The following SUPT3H variants were observed in gnomAD, a reference collection of about 807,000 sequenced individuals.
SUPT3H encodes the protein SPT3 homolog, SAGA and STAGA complex component, also known as transcription initiation protein SPT3 homolog.
A neutral mutation model predicts 44.3 loss-of-function variants in SUPT3H; 44 were observed. The ratio of observed to expected loss-of-function variants is 0.99; its 90% confidence interval spans 0.78 to 1.28. The LOEUF (loss-of-function observed/expected upper bound fraction) is 1.28, where lower values mean the gene tolerates loss of function less well. SUPT3H is among the 50% of genes most tolerant of loss of function. SUPT3H has a pLI of 0.00. For missense variants in SUPT3H, 380 were observed against 387.1 expected, an observed-to-expected ratio of 0.98 and a Z score of 0.15; for synonymous variants, 124 against 125.6, an observed-to-expected ratio of 0.99 and a Z score of 0.09.
At chr6:45,176,088 G>C (rs1420302206) in intron 2 of SUPT3H, among the ~76,000 whole-genome samples, 3 of 152,124 alleles carry the variant, frequency 2.0e-5, no homozygotes, top group Admixed American at 6.5e-5. Context: ...TGGCCGAATA[G>C]GAACAGCTCT....
chr6:45,123,712 G>A (rs1802006642), intron 2 of SUPT3H, among the ~76,000 whole-genome samples: 1 of 152,120 alleles, frequency 6.6e-6, no homozygotes, highest in African/African-American at 2.4e-5. Context: ...GAAAAGGTCA[G>A]ACAGTAAATA....
At chr6:44,919,344 T>G (rs1011107350) in intron 10 of SUPT3H, among the ~76,000 whole-genome samples, 1 of 152,204 alleles carries the variant, frequency 6.6e-6, no homozygotes, top group African/African-American at 2.4e-5. Flanking sequence ...TAAGAATGCA[T>G]GACCAAATTC....
chr6:45,085,980 T>A lies in SUPT3H; in HGVS notation c.186+19942A>T, dbSNP rs192641406. Among the ~76,000 whole-genome samples, 13 of 152,260 alleles carry A rather than the reference T, an allele frequency of 8.5e-5. No homozygotes were observed. In the East Asian group the frequency reaches 1.9e-3, roughly 23 times the overall value. ...ATCCTCCTATATTTAAAATGTTTGA[T>A]CTTTAGGTATGAGAAACATACTTCT... On this transcript the variant is annotated intron_variant, in intron 3 of 10. Transcript: ENST00000371459.
At chr6:45,376,769 T>C (rs1796834545) in intron 1 of SUPT3H, among the ~76,000 whole-genome samples, 3 of 152,206 alleles carry the variant, frequency 2.0e-5, no homozygotes, top group South Asian at 2.1e-4. Context: ...TTCAAGTAAA[T>C]CTTTGCAGGG....
At chr6:45,065,294 G>A (rs1279512053) in intron 3 of SUPT3H, among the ~76,000 whole-genome samples, 6 of 141,270 alleles carry the variant, frequency 4.2e-5, no homozygotes, top group Admixed American at 2.1e-4. Context: ...CAGAATCTCT[G>A]GGACGCATTC....
At chr6:45,298,521 CTT>C (rs1226029261) in intron 2 of SUPT3H, among the ~76,000 whole-genome samples, 8 of 144,214 alleles carry the variant, frequency 5.5e-5, no homozygotes, top group Admixed American at 2.1e-4. Context: ...AATGTTATCT[CTT>C]TTTTTTTTTT....
intron 2 of SUPT3H, among the ~76,000 whole-genome samples, chr6:45,194,631 T>C (rs1381686749): frequency 6.6e-6 from 1 of 152,118 alleles, no homozygotes; most frequent in Non-Finnish European, 1.5e-5. Context: ...CACACACATA[T>C]GTATACAATC....
At chr6:45,152,716 T>G (rs1266208221) in intron 2 of SUPT3H, among the ~76,000 whole-genome samples, 1 of 152,072 alleles carries the variant, frequency 6.6e-6, no homozygotes, top group Non-Finnish European at 1.5e-5. Context: ...GGTCTCAAAC[T>G]CCTGACCTCA....
At chr6:45,221,366 AT>A (rs1362510912) in intron 2 of SUPT3H, among the ~76,000 whole-genome samples, 1 of 152,086 alleles carries the variant, frequency 6.6e-6, no homozygotes, top group Non-Finnish European at 1.5e-5. Context: ...AACTTAAAGT[AT>A]AATATAAAAT....
At chr6:44,901,551 T>C (rs1471894018) in intron 10 of SUPT3H, among the ~76,000 whole-genome samples, 6 of 151,974 alleles carry the variant, frequency 3.9e-5, no homozygotes, top group African/African-American at 1.4e-4. Flanking sequence ...GTCTGATTGG[T>C]GTACCTGAAA....
At chr6:45,230,529 G>T (rs1767769050) in intron 2 of SUPT3H, among the ~76,000 whole-genome samples, 1 of 145,438 alleles carries the variant, frequency 6.9e-6, no homozygotes, top group Non-Finnish European at 1.5e-5. Context: ...ATCTACTTCT[G>T]CTCACTTTTG....
At chr6:45,224,389 C>T (rs1056750447) in intron 2 of SUPT3H, among the ~76,000 whole-genome samples, 3 of 152,084 alleles carry the variant, frequency 2.0e-5, no homozygotes, top group African/African-American at 7.2e-5. Flanking sequence ...TCTGTCACCA[C>T]CTACATACTG....
chr6:45,003,525 G>T, intron 6 of SUPT3H, 128 bp downstream of exon 6: 2 of 1,071,744 alleles, frequency 1.9e-6, no homozygotes, highest in Non-Finnish European at 2.6e-6. Context: ...GCACATCGCT[G>T]CCATCAGACA....
rs113019204 is a variant in SUPT3H at position 44,865,953 on chromosome 6, G to T, written c.913-36096C>A. On this transcript the variant is annotated intron_variant, in intron 10 of 10. Coordinates refer to ENST00000371459, the MANE Select transcript of SUPT3H (RefSeq NM_003599.4). ...CAGACAGGAAGCAGAAAGCCAAGTG[G>T]GAGAACTTGCAGTGAGGGAGGGGAG... Among the ~76,000 whole-genome samples, 1,375 of 152,254 alleles carry T rather than the reference G, an allele frequency of 9.0e-3. 14 individuals are homozygous for T. Among genetic ancestry groups the T allele is most frequent in the South Asian group, 0.028 (136 of 4,822 alleles).
At chr6:44,846,718 G>A (rs1044066967) in intron 10 of SUPT3H, among the ~76,000 whole-genome samples, 1 of 151,704 alleles carries the variant, frequency 6.6e-6, no homozygotes, top group Non-Finnish European at 1.5e-5. Context: ...TGCAACCTCC[G>A]CCTCCTGGGT....
At chr6:45,251,598 T>A (rs755928139) in intron 2 of SUPT3H, among the ~76,000 whole-genome samples, 49 of 152,102 alleles carry the variant, frequency 3.2e-4, no homozygotes, top group Non-Finnish European at 6.2e-4. Context: ...TTGGAAAATT[T>A]AAATGAAAAG....
At chr6:45,270,285 C>T (rs1475557595) in intron 2 of SUPT3H, among the ~76,000 whole-genome samples, 1 of 151,880 alleles carries the variant, frequency 6.6e-6, no homozygotes, top group East Asian at 1.9e-4. Flanking sequence ...TTTTTATACA[C>T]TATTAACTAT....
intron 2 of SUPT3H, among the ~76,000 whole-genome samples, chr6:45,204,554 A>G (rs1762942340): frequency 6.6e-6 from 1 of 152,146 alleles, no homozygotes; most frequent in African/African-American, 2.4e-5. Context: ...CCTTCCACAT[A>G]TATTCTCCAC....
At chr6:45,177,051 G>A (rs1351958591) in intron 2 of SUPT3H, among the ~76,000 whole-genome samples, 2 of 152,194 alleles carry the variant, frequency 1.3e-5, no homozygotes, top group African/African-American at 2.4e-5. Context: ...CACCAGCAAC[G>A]GAACAAAGCT....
Sources: allele counts gnomAD v4.1 joint callset (sites outside exome capture counted in the v4.1 genomes callset), GRCh38; gene constraint gnomAD v4.1.1; transcripts MANE v1.5; gene names NCBI Gene and HGNC (gene_info 2026-07-23, HGNC 2026-07-21).